The following ZNF280D variants were observed in gnomAD, a reference collection of about 807,000 sequenced individuals.
The protein encoded by ZNF280D is suppressor of hairy wing homolog 4.
Under a neutral mutation model 94.7 loss-of-function variants are expected in ZNF280D, and 39 were observed. That is an observed-to-expected ratio of 0.41 (90% confidence interval 0.32 to 0.54). The LOEUF (loss-of-function observed/expected upper bound fraction) is 0.54, where lower values mean the gene tolerates loss of function less well. ZNF280D is among the 20% of genes least tolerant of loss of function. The probability of loss-of-function intolerance (pLI) is 0.22; values close to 1 mark genes in which losing one functional copy is unlikely to be tolerated. For missense variants in ZNF280D, 1,090 were observed against 1,149.3 expected (o/e 0.95, Z 0.75); for synonymous variants, 398 against 377.6 (o/e 1.05, Z -0.63).
chr15:56,638,789 A>C (rs1444323918), intron 20 of ZNF280D, among the ~76,000 whole-genome samples: 1 of 152,148 alleles, frequency 6.6e-6, no homozygotes, highest in Non-Finnish European at 1.5e-5. Context: ...AATTTTTGAG[A>C]CTACAAAGGA....
At chr15:56,707,965 T>C (rs1222371494) in intron 1 of ZNF280D, among the ~76,000 whole-genome samples, 2 of 151,970 alleles carry the variant, frequency 1.3e-5, no homozygotes, top group Admixed American at 6.6e-5. Context: ...ACTATTTGAA[T>C]TGCTTTATTC....
intron 6 of ZNF280D, among the ~76,000 whole-genome samples, chr15:56,696,807 T>A (rs2056773041): frequency 6.6e-6 from 1 of 152,238 alleles, no homozygotes; most frequent in Non-Finnish European, 1.5e-5. Flanking sequence ...CTATCATTTC[T>A]GGGTTCCACC....
intron 14 of ZNF280D, among the ~76,000 whole-genome samples, chr15:56,667,577 G>T (rs1255440173): frequency 2.0e-5 from 3 of 152,148 alleles, no homozygotes; most frequent in Admixed American, 2.0e-4. Flanking sequence ...TATTCAGAAT[G>T]AGAAAATGTT....
chr15:56,702,829 T>C (rs1484376432), intron 4 of ZNF280D, among the ~76,000 whole-genome samples: 1 of 151,604 alleles, frequency 6.6e-6, no homozygotes, highest in African/African-American at 2.4e-5. Flanking sequence ...AATCCAAGTT[T>C]AGAGGTAAGT....
chr15:56,641,987 C>T (rs981184676), intron 20 of ZNF280D, among the ~76,000 whole-genome samples: 9 of 151,510 alleles, frequency 5.9e-5, no homozygotes, highest in Non-Finnish European at 1.3e-4. Flanking sequence ...AAAAAGCACA[C>T]AAACTGTCAA....
intron 6 of ZNF280D, 157 bp downstream of exon 6, chr15:56,700,776 T>A: frequency 6.6e-7 from 1 of 1,525,734 alleles, no homozygotes. Context: ...GGGTACTGCT[T>A]GAGCTAGCGA....
chr15:56,729,477 A>T (rs1165556152), intron 1 of ZNF280D, among the ~76,000 whole-genome samples: 1 of 152,224 alleles, frequency 6.6e-6, no homozygotes, highest in Non-Finnish European at 1.5e-5. Flanking sequence ...AGCTCAGTGC[A>T]TTCTCAACCA....
chr15:56,703,588 T>C (rs1473304944), intron 4 of ZNF280D, among the ~76,000 whole-genome samples: 1 of 152,180 alleles, frequency 6.6e-6, no homozygotes, highest in Non-Finnish European at 1.5e-5. Flanking sequence ...GTGCAGTGAC[T>C]CACACCTGTA....
At position 56,676,632 on chromosome 15, in the gene ZNF280D, GA is replaced by G. The variant is rs759260682; in HGVS notation, c.1410+37del. The G allele has an allele frequency of 2.0e-6, 3 of 1,533,944 alleles. No individual in the cohort carries two copies. The African/African-American group carries it at 4.2e-5, about 21-fold the overall frequency. ...AAGTCATAATCAGTTTTTTCACTAA[GA>G]CAACATAATAAACAAATAAGAACTG... On this transcript the variant is annotated intron_variant, in intron 13 of 21. Coordinates refer to ENST00000267807, the MANE Select transcript of ZNF280D (RefSeq NM_017661.4).
At chr15:56,677,761 G>C in intron 11 of ZNF280D, 87 bp from the exon 12 acceptor site, 1 of 424,112 alleles carries the variant, frequency 2.4e-6, no homozygotes, top group Non-Finnish European at 3.9e-6. Context: ...AACAATAACA[G>C]TAGCAGTAGG....
intron 16 of ZNF280D, among the ~76,000 whole-genome samples, chr15:56,665,171 A>C (rs2054201577): frequency 6.6e-6 from 1 of 152,218 alleles, no homozygotes; most frequent in Non-Finnish European, 1.5e-5. Flanking sequence ...GCCACCAAAA[A>C]AGGTAGAAGA....
chr15:56,652,781 ATAT>A, intron 19 of ZNF280D: 1 of 985,054 alleles, frequency 1.0e-6, no homozygotes, highest in Non-Finnish European at 1.2e-6. Flanking sequence ...AATTAAGGTA[ATAT>A]TAATAATAAT....
intron 16 of ZNF280D, among the ~76,000 whole-genome samples, chr15:56,661,918 A>C (rs1229906668): frequency 2.0e-5 from 3 of 152,206 alleles, no homozygotes; most frequent in African/African-American, 7.2e-5. Flanking sequence ...GAGTCAGATT[A>C]AGTAATTTGT....
chr15:56,696,938 C>T (rs1313884168), intron 6 of ZNF280D, among the ~76,000 whole-genome samples: 8 of 152,176 alleles, frequency 5.3e-5, no homozygotes, highest in Admixed American at 5.2e-4. Flanking sequence ...GAATCTAATT[C>T]CTAACTCTTA....
At chr15:56,644,499 A>G (rs1278268949) in intron 19 of ZNF280D, among the ~76,000 whole-genome samples, 1 of 152,156 alleles carries the variant, frequency 6.6e-6, no homozygotes, top group African/African-American at 2.4e-5. Context: ...ACTCATTTTT[A>G]TTTCTAAGCA....
chr15:56,641,118 C>T (rs1440700049), intron 20 of ZNF280D, among the ~76,000 whole-genome samples: 2 of 152,000 alleles, frequency 1.3e-5, no homozygotes, highest in East Asian at 3.8e-4. Flanking sequence ...ACTCTTCACC[C>T]AGTGACTCAT....
intron 10 of ZNF280D, among the ~76,000 whole-genome samples, chr15:56,679,741 G>A (rs143563779): frequency 1.3e-5 from 2 of 152,292 alleles, no homozygotes; most frequent in African/African-American, 2.4e-5. Flanking sequence ...GAAACTAAGT[G>A]ATAATGTCAT....
At chr15:56,646,009 A>C (rs576803315) in intron 19 of ZNF280D, among the ~76,000 whole-genome samples, 2 of 152,320 alleles carry the variant, frequency 1.3e-5, no homozygotes, top group Admixed American at 1.3e-4. Flanking sequence ...GATGACATTT[A>C]AAAGCCAAAA....
intron 6 of ZNF280D, chr15:56,700,378 A>C (rs2056990764): frequency 1.9e-6 from 1 of 521,032 alleles, no homozygotes; most frequent in African/African-American, 2.1e-5. Context: ...TTAAGAACTA[A>C]ATGAAATGAA....
Sources: gnomAD v4.1 joint callset for allele counts (sites outside exome capture counted in the v4.1 genomes callset) on GRCh38, gnomAD v4.1.1 for gene constraint, MANE v1.5 for transcripts, NCBI Gene and HGNC (gene_info 2026-07-23, HGNC 2026-07-21) for gene names.